The following ATP13A4 variants were observed in gnomAD, a reference collection of about 807,000 sequenced individuals.
The protein encoded by ATP13A4 is probable cation-transporting ATPase 13A4.
Under a neutral mutation model 142.5 loss-of-function variants are expected in ATP13A4, and 114 were observed. The ratio of observed to expected loss-of-function variants is 0.80; its 90% CI spans 0.69 to 0.93. ATP13A4 has a LOEUF of 0.93. Ranked by LOEUF, ATP13A4 falls within the 40% of genes least tolerant of loss-of-function variation. The pLI is 0.00. For missense variants in ATP13A4, 1,392 were observed against 1,454.0 expected (o/e 0.96, Z 0.69); for synonymous variants, 488 against 514.8 (o/e 0.95, Z 0.70).
chr3:193,424,719 G>A (rs1269623473), intron 25 of ATP13A4, among the ~76,000 whole-genome samples: 1 of 149,364 alleles, frequency 6.7e-6, no homozygotes, highest in Non-Finnish European at 1.5e-5. Flanking sequence ...CTATAAAACT[G>A]CTAAACAAAA....
rs544022046 is a variant in ATP13A4 at position 193,488,098 on chromosome 3, G to A, written c.738+1632C>T. Among the ~76,000 whole-genome samples the A allele has an allele frequency of 2.3e-4, 35 of 152,028 alleles. 1 individual carries two copies. The South Asian group carries it at 6.2e-3, about 27-fold the overall frequency. ...GACCAACATGGTGAAACACCGTCTC[G>A]ACTAAAAATACAAAAATTAGCCGGG... On this transcript the variant is annotated intron_variant, in intron 7 of 29. Transcript: ENST00000342695.
chr3:193,573,274 T>TATATATAC (rs1209937896), intron 2 of ATP13A4, among the ~76,000 whole-genome samples: 1 of 83,068 alleles, frequency 1.2e-5, no homozygotes, highest in Non-Finnish European at 2.4e-5. Flanking sequence ...TATATATATA[T>TATATATAC]ACATATATAT....
intron 28 of ATP13A4, among the ~76,000 whole-genome samples, chr3:193,409,486 C>G (rs1332901606): frequency 7.9e-5 from 12 of 152,118 alleles, no homozygotes. Context: ...ACCAGAGGAC[C>G]CAGCCTTTCT....
chr3:193,483,702 G>A (rs1423359134), intron 8 of ATP13A4, among the ~76,000 whole-genome samples: 1 of 152,060 alleles, frequency 6.6e-6, no homozygotes, highest in Non-Finnish European at 1.5e-5. Context: ...CTGACCTCGT[G>A]ATCAGCCCGC....
At chr3:193,508,108 A>G (rs1461864829) in intron 2 of ATP13A4, among the ~76,000 whole-genome samples, 1 of 152,188 alleles carries the variant, frequency 6.6e-6, no homozygotes, top group Non-Finnish European at 1.5e-5. Context: ...CCCCATGAAG[A>G]CACAGTGAGA....
chr3:193,499,509 ATT>A (rs1720421281), intron 3 of ATP13A4, among the ~76,000 whole-genome samples: 1 of 152,096 alleles, frequency 6.6e-6, no homozygotes, highest in Non-Finnish European at 1.5e-5. Flanking sequence ...GGCAGATATT[ATT>A]TTCCTCTTCA....
intron 3 of ATP13A4, among the ~76,000 whole-genome samples, chr3:193,499,193 C>T (rs765926004): frequency 1.2e-4 from 18 of 152,252 alleles, no homozygotes; most frequent in South Asian, 4.2e-4. Flanking sequence ...AAACATAATG[C>T]ATTTAAAAAG....
At chr3:193,573,301 A>ATATATTTATATATATATATGTG (rs1553862276) in intron 2 of ATP13A4, among the ~76,000 whole-genome samples, 3 of 78,984 alleles carry the variant, frequency 3.8e-5, no homozygotes, top group African/African-American at 1.6e-4. Context: ...ACATATATAT[A>ATATATTTATATATATATATGTG]TATATACATA....
chr3:193,588,755 C>T (rs1724712204), intron 1 of ATP13A4, among the ~76,000 whole-genome samples: 1 of 152,150 alleles, frequency 6.6e-6, no homozygotes. Flanking sequence ...TGTACTACCT[C>T]ACATTAATGT....
In ATP13A4 at chr3:193,402,762, C is replaced by T. The variant is rs1394927551; in HGVS notation, c.3481G>A (p.Asp1161Asn). ...YRIWQRDLAN[D>N]PSWPPLNQTS... ...TGGTTTAGCGGGGGCCAACTAGGGT[C>T]ATTTGCCAAGTCCCTCTGCCATATC... The change falls in exon 30 of 30, where the codon GAC becomes AAC. Residue 1161 changes from aspartate to asparagine, a missense_variant. Physicochemically the swap from Asp to Asn is conservative, Grantham distance 23. Coordinates refer to ENST00000342695, the MANE Select transcript of ATP13A4 (RefSeq NM_032279.4). 14 of 1,613,940 alleles carry T rather than the reference C, an allele frequency of 8.7e-6. No homozygotes were observed. Among genetic ancestry groups the T allele is most frequent in the Non-Finnish European group, 1.1e-5 (13 of 1,179,826 alleles).
upstream of ATP13A4, among the ~76,000 whole-genome samples, chr3:193,557,545 C>T (rs1306525868): frequency 2.0e-5 from 3 of 152,232 alleles, no homozygotes; most frequent in South Asian, 6.2e-4. Flanking sequence ...GTGGTTGATA[C>T]TATTCTGGTC....
At chr3:193,519,588 T>C (rs990784886) in intron 1 of ATP13A4, among the ~76,000 whole-genome samples, 2 of 151,292 alleles carry the variant, frequency 1.3e-5, no homozygotes. Context: ...GTGCCCTTTA[T>C]AATACTTTTG....
In ATP13A4 at chr3:193,402,477, A is replaced by G. The variant is rs1333861708; in HGVS notation, c.*175T>C. On this transcript the variant is annotated 3_prime_UTR_variant, in exon 30 of 30. Coordinates refer to ENST00000342695, the MANE Select transcript of ATP13A4 (RefSeq NM_032279.4). ...AAGAGGAAAGCACTCTTCTGGGTCA[A>G]TGTTCTTCTCTGTAGACAGTATTTT... is the stretch of plus-strand genomic sequence containing the variant. 2 of 599,506 alleles carry G rather than the reference A, an allele frequency of 3.3e-6. No homozygotes were observed. Among genetic ancestry groups the G allele is most frequent in the South Asian group, 2.0e-5 (1 of 50,818 alleles). 37.1% of individuals were successfully genotyped at this position (599,506 alleles called of 1,614,324 possible).
At chr3:193,506,358 T>C (rs1351915225) in intron 2 of ATP13A4, among the ~76,000 whole-genome samples, 1 of 152,184 alleles carries the variant, frequency 6.6e-6, no homozygotes, top group African/African-American at 2.4e-5. Flanking sequence ...CTTTACCTCC[T>C]CTTTATCAAA....
chr3:193,454,721 CATGG>C (rs1343161591), intron 16 of ATP13A4, among the ~76,000 whole-genome samples: 1 of 152,104 alleles, frequency 6.6e-6, no homozygotes, highest in East Asian at 1.9e-4. Context: ...ACTAACTTAA[CATGG>C]ATTGACGACT....
In ATP13A4 at chr3:193,470,961, C is replaced by T; in HGVS notation, c.841G>A (p.Val281Met). ...GVQELESRVL[V>M]PGDLLILTGN... ...GTCAAAATTAATAAATCTCCAGGCA[C>T]CAGGACGCGTGATTCCAGCTCTTGA... The change falls in exon 9 of 30, where the codon GTG becomes ATG. Residue 281 changes from valine (V) to methionine (M), a missense_variant. Coordinates refer to ENST00000342695, the MANE Select transcript of ATP13A4 (RefSeq NM_032279.4). The T allele has an allele frequency of 6.2e-7, 1 of 1,614,126 alleles. No individual in the cohort carries two copies. Among genetic ancestry groups the T allele is most frequent in the Non-Finnish European group, 8.5e-7 (1 of 1,180,002 alleles).
intron 28 of ATP13A4, 27 bp downstream of exon 28, chr3:193,410,955 T>C (rs1363821486): frequency 2.2e-6 from 3 of 1,383,354 alleles, no homozygotes; most frequent in Non-Finnish European, 3.1e-6. Flanking sequence ...CTGTAAAGCA[T>C]CATCATATCC....
intron 8 of ATP13A4, among the ~76,000 whole-genome samples, chr3:193,482,661 C>T (rs898173100): frequency 3.3e-5 from 5 of 152,154 alleles, no homozygotes; most frequent in African/African-American, 1.2e-4. Flanking sequence ...ATGTTCAATG[C>T]CATTAGTCAT....
chr3:193,454,781 A>G (rs1448200916), intron 16 of ATP13A4, among the ~76,000 whole-genome samples: 2 of 152,226 alleles, frequency 1.3e-5, no homozygotes, highest in Admixed American at 1.3e-4. Context: ...CCTAGGCAAT[A>G]CCATTCTGGA....
Sources: allele counts gnomAD v4.1 joint callset (sites outside exome capture counted in the v4.1 genomes callset), GRCh38; gene constraint gnomAD v4.1.1; transcripts MANE v1.5; gene names NCBI Gene and HGNC (gene_info 2026-07-23, HGNC 2026-07-21).